The following BLTP3A variants were observed in gnomAD, a reference collection of about 807,000 sequenced individuals.
BLTP3A encodes ICBP90 binding protein 1.
chr6:34,792,223 C>G, the BLTP3A span: 6 of 1,532,648 alleles, frequency 3.9e-6, no homozygotes, highest in Non-Finnish European at 8.8e-7. Flanking sequence ...CCGGCCCACC[C>G]GCCTTCCACG....
At chr6:34,794,496 GA>G in the BLTP3A span, among the ~76,000 whole-genome samples, 30 of 152,268 alleles carry the variant, frequency 2.0e-4, no homozygotes, top group South Asian at 4.1e-4. Context: ...CTTATCTCCG[GA>G]AAAATTCATA....
the BLTP3A span, among the ~76,000 whole-genome samples, chr6:34,820,500 T>C: frequency 6.6e-6 from 1 of 152,064 alleles, no homozygotes; most frequent in African/African-American, 2.4e-5. Context: ...TTCTCAGTTG[T>C]CAGATGCCCT....
the BLTP3A span, among the ~76,000 whole-genome samples, chr6:34,808,346 CAAAAAA>C: frequency 1.5e-4 from 4 of 26,734 alleles, no homozygotes; most frequent in African/African-American, 4.5e-4. Context: ...AACTCCGTCT[CAAAAAA>C]AAAAAAAAAA....
chr6:34,803,712 C>A, the BLTP3A span, among the ~76,000 whole-genome samples: 1 of 152,086 alleles, frequency 6.6e-6, no homozygotes, highest in Non-Finnish European at 1.5e-5. Flanking sequence ...AAAATGATTT[C>A]TGTGGCATTG....
chr6:34,847,921 CTTTTTTT>C, the BLTP3A span, among the ~76,000 whole-genome samples: 1 of 91,174 alleles, frequency 1.1e-5, no homozygotes, highest in Admixed American at 1.2e-4. Flanking sequence ...TCTTTTTTTC[CTTTTTTT>C]TTTTTTTTTT....
chr6:34,820,814 A>ATTTTTT, the BLTP3A span, among the ~76,000 whole-genome samples: 314 of 102,780 alleles, frequency 3.1e-3, 18 homozygotes, highest in African/African-American at 0.014. Flanking sequence ...ACCATGCCTA[A>ATTTTTT]TTTTTTTTTT....
the BLTP3A span, chr6:34,867,656 G>A: frequency 1.3e-6 from 2 of 1,588,790 alleles, no homozygotes; most frequent in African/African-American, 2.7e-5. Flanking sequence ...CATGGGACTT[G>A]TCTAGGACAG....
chr6:34,857,490 A>G, the BLTP3A span: 127 of 1,611,944 alleles, frequency 7.9e-5, no homozygotes, highest in East Asian at 1.6e-4. Flanking sequence ...TAGGCTGGCT[A>G]TTTTTCTGTC....
At chr6:34,856,214 A>T in the BLTP3A span, 1 of 1,603,276 alleles carries the variant, frequency 6.2e-7, no homozygotes, top group African/African-American at 1.3e-5. Context: ...TTGGGCTAAA[A>T]TCTTTTCACT....
chr6:34,872,346 A>T, the BLTP3A span: 1 of 1,611,776 alleles, frequency 6.2e-7, no homozygotes, highest in Non-Finnish European at 8.5e-7. Flanking sequence ...AAAAGAACTT[A>T]TAGAAACTAA....
chr6:34,844,321 G>GC, the BLTP3A span, among the ~76,000 whole-genome samples: 1 of 152,042 alleles, frequency 6.6e-6, no homozygotes, highest in Non-Finnish European at 1.5e-5. Context: ...TGTTGCCCAG[G>GC]CTGGAGTCAG....
At chr6:34,844,681 G>C in the BLTP3A span, among the ~76,000 whole-genome samples, 2 of 152,024 alleles carry the variant, frequency 1.3e-5, no homozygotes, top group Non-Finnish European at 2.9e-5. Context: ...GTCTATTCAG[G>C]TCTTTTGCCC....
chr6:34,837,686 A>T, the BLTP3A span, among the ~76,000 whole-genome samples: 2 of 152,294 alleles, frequency 1.3e-5, no homozygotes, highest in Admixed American at 1.3e-4. Flanking sequence ...TTCAAAAAAA[A>T]AATAATCTTG....
chr6:34,806,764 G>A, the BLTP3A span, among the ~76,000 whole-genome samples: 1 of 152,240 alleles, frequency 6.6e-6, no homozygotes, highest in African/African-American at 2.4e-5. Flanking sequence ...TGGATCAAGC[G>A]ATTCTTCTGC....
At chr6:34,843,376 A>G in the BLTP3A span, among the ~76,000 whole-genome samples, 4 of 152,180 alleles carry the variant, frequency 2.6e-5, no homozygotes, top group Non-Finnish European at 4.4e-5. Context: ...TAGTTATTCA[A>G]TTCATCATTA....
the BLTP3A span, among the ~76,000 whole-genome samples, chr6:34,862,056 T>C: frequency 6.6e-6 from 1 of 152,230 alleles, no homozygotes; most frequent in Non-Finnish European, 1.5e-5. Context: ...TTGGAATATT[T>C]TACATATCTA....
the BLTP3A span, among the ~76,000 whole-genome samples, chr6:34,804,545 T>A: frequency 6.6e-6 from 1 of 152,064 alleles, no homozygotes; most frequent in East Asian, 1.9e-4. Context: ...GCATGAACAA[T>A]GATACTGAGA....
the BLTP3A span, among the ~76,000 whole-genome samples, chr6:34,802,938 G>A: frequency 2.0e-5 from 3 of 152,154 alleles, no homozygotes; most frequent in East Asian, 5.8e-4. Context: ...CCCTTTGGGA[G>A]GCTAAGGTGG....
the BLTP3A span, among the ~76,000 whole-genome samples, chr6:34,808,585 C>T: frequency 1.8e-3 from 258 of 147,394 alleles, no homozygotes; most frequent in African/African-American, 5.9e-3. Flanking sequence ...TTATGAACAC[C>T]TTTTTTTTTT....
Sources: allele counts gnomAD v4.1 joint callset (sites outside exome capture counted in the v4.1 genomes callset), GRCh38; gene constraint gnomAD v4.1.1; transcripts MANE v1.5; gene names NCBI Gene and HGNC (gene_info 2026-07-23, HGNC 2026-07-21).